The following SLC35H1 variants were observed in gnomAD, a reference collection of about 807,000 sequenced individuals.
SLC35H1 encodes the protein ovarian cancer-overexpressed gene 1 protein.
chr20:46,357,547 G>A, the SLC35H1 span: 2 of 1,516,056 alleles, frequency 1.3e-6, no homozygotes, highest in Admixed American at 3.8e-5. Context: ...CAGACATGCG[G>A]GTGTCTCTCT....
the SLC35H1 span, among the ~76,000 whole-genome samples, chr20:46,363,680 C>T: frequency 6.6e-6 from 1 of 152,250 alleles, no homozygotes; most frequent in African/African-American, 2.4e-5. Context: ...CACCTGCTGA[C>T]TGCCACTGGT....
At chr20:46,357,628 G>A in the SLC35H1 span, 1 of 1,613,132 alleles carries the variant, frequency 6.2e-7, no homozygotes, top group East Asian at 2.2e-5. Context: ...CCTACCTGTG[G>A]GAGCCACTCT....
chr20:46,358,950 C>A, the SLC35H1 span: 158 of 606,068 alleles, frequency 2.6e-4, 1 homozygote, highest in Middle Eastern at 4.4e-3. Context: ...GAACTGCCAC[C>A]AAAGTGACCT....
chr20:46,354,802 G>T, the SLC35H1 span: 3 of 1,269,144 alleles, frequency 2.4e-6, no homozygotes, highest in Non-Finnish European at 3.4e-6. Flanking sequence ...AATCTCTGCA[G>T]CTACCACTGT....
At chr20:46,356,138 G>A in the SLC35H1 span, among the ~76,000 whole-genome samples, 1 of 152,202 alleles carries the variant, frequency 6.6e-6, no homozygotes, top group Non-Finnish European at 1.5e-5. Context: ...GAGCGGGAAG[G>A]AAGGATGAGA....
chr20:46,352,309 A>G, the SLC35H1 span: 17 of 1,246,116 alleles, frequency 1.4e-5, no homozygotes, highest in South Asian at 1.6e-4. Flanking sequence ...AAGATCTTCC[A>G]CTGTAGTAGT....
chr20:46,358,791 G>A, the SLC35H1 span: 1 of 1,355,304 alleles, frequency 7.4e-7, no homozygotes, highest in Non-Finnish European at 1.0e-6. Flanking sequence ...CCGCTCTGGA[G>A]CCTCAGGCAG....
At chr20:46,350,366 C>T in the SLC35H1 span, 1 of 1,577,654 alleles carries the variant, frequency 6.3e-7, no homozygotes, top group South Asian at 1.1e-5. Context: ...GGGGAGTGGC[C>T]TGCTTCTAAG....
At chr20:46,355,939 G>T in the SLC35H1 span, 2 of 1,601,882 alleles carry the variant, frequency 1.2e-6, no homozygotes, top group South Asian at 2.2e-5. This position sits in a 1 kb window ranked among gnomAD's most constrained non-coding sequence, Gnocchi z 4.8. Flanking sequence ...ACCGAGAAAG[G>T]AGCAGGAGCA....
chr20:46,361,220 T>C, the SLC35H1 span, among the ~76,000 whole-genome samples: 1 of 152,164 alleles, frequency 6.6e-6, no homozygotes, highest in African/African-American at 2.4e-5. Flanking sequence ...CTACTTCCCA[T>C]CCCAGCAAAT....
At chr20:46,354,776 C>T in the SLC35H1 span, 645 of 1,008,468 alleles carry the variant, frequency 6.4e-4, 3 homozygotes, top group Non-Finnish European at 1.2e-4. Flanking sequence ...GGAGGGACTG[C>T]ATCTTTGATC....
At chr20:46,354,456 A>G in the SLC35H1 span, among the ~76,000 whole-genome samples, 1 of 152,188 alleles carries the variant, frequency 6.6e-6, no homozygotes, top group Admixed American at 6.5e-5. Flanking sequence ...GGTTAAGAGT[A>G]GGGCTGGACC....
the SLC35H1 span, among the ~76,000 whole-genome samples, chr20:46,362,544 G>T: frequency 1.3e-5 from 2 of 152,106 alleles, no homozygotes; most frequent in African/African-American, 4.8e-5. Context: ...CTTGACCTCT[G>T]GACTCAGTTT....
At chr20:46,356,577 G>T in the SLC35H1 span, 5 of 1,614,082 alleles carry the variant, frequency 3.1e-6, no homozygotes, top group Non-Finnish European at 4.2e-6. Flanking sequence ...TACTCACAGC[G>T]AGACGGTGAC....
the SLC35H1 span, chr20:46,358,565 T>C: frequency 6.2e-7 from 1 of 1,613,412 alleles, no homozygotes; most frequent in Non-Finnish European, 8.5e-7. Flanking sequence ...CCCTCTTGAA[T>C]ACAATGTGCA....
At chr20:46,359,865 C>T in the SLC35H1 span, among the ~76,000 whole-genome samples, 1 of 152,220 alleles carries the variant, frequency 6.6e-6, no homozygotes, top group East Asian at 1.9e-4. Context: ...CTCCATCTCC[C>T]ACCCCAACAT....
the SLC35H1 span, chr20:46,355,416 T>C: frequency 2.0e-5 from 14 of 706,548 alleles, no homozygotes; most frequent in African/African-American, 2.1e-4. The surrounding 1 kb of genome is among the most constrained non-coding windows in gnomAD (Gnocchi z 4.8). Flanking sequence ...AATGTCAGCA[T>C]GTAGGGCTGA....
At chr20:46,361,606 C>A in the SLC35H1 span, among the ~76,000 whole-genome samples, 1 of 152,160 alleles carries the variant, frequency 6.6e-6, no homozygotes, top group Non-Finnish European at 1.5e-5. Flanking sequence ...GTGAGAAGAC[C>A]CATCCTCTAC....
the SLC35H1 span, chr20:46,352,193 C>T: frequency 1.9e-4 from 307 of 1,614,160 alleles, no homozygotes; most frequent in East Asian, 5.6e-4. Flanking sequence ...GTCCTGGAAA[C>T]GGAAGATTTT....
Sources: gnomAD v4.1 joint callset for allele counts (sites outside exome capture counted in the v4.1 genomes callset) on GRCh38, gnomAD v4.1.1 for gene constraint, Gnocchi (gnomAD v3.1) non-coding constraint, MANE v1.5 for transcripts, NCBI Gene and HGNC (gene_info 2026-07-23, HGNC 2026-07-21) for gene names.